Variants in TRPM2 observed in about 807,000 individuals in gnomAD.
The protein encoded by TRPM2 is transient receptor potential cation channel subfamily M member 2.
A neutral mutation model predicts 174.0 loss-of-function variants in TRPM2; 161 were observed. That is an observed-to-expected ratio of 0.93 (90% confidence interval 0.81 to 1.05). TRPM2 has a LOEUF of 1.05. Ranked by LOEUF, TRPM2 falls within the 50% of genes least tolerant of loss-of-function variation. The probability of loss-of-function intolerance (pLI) is 0.00; values close to 1 mark genes in which losing one functional copy is unlikely to be tolerated. For synonymous variants in TRPM2, 954 were observed against 861.3 expected (o/e 1.11, Z -1.88); for missense variants, 2,057 against 2,038.0 (o/e 1.01, Z -0.18).
rs894856020 is a variant in TRPM2 at position 44,426,263 on chromosome 21, GC to G, written c.3796-394del. Among the ~76,000 whole-genome samples, 16 of 152,128 alleles carry G rather than the reference GC, an allele frequency of 1.1e-4. No individual in the cohort carries two copies. The South Asian group carries it at 1.5e-3, about 14-fold the overall frequency. ...GGCTAATGGCCCCTGGGAGACCCCCGCCCTCCTGGTGCAGGGCTTCTCTCTG... is the reference window on the plus strand; with the variant it reads ...GGCTAATGGCCCCTGGGAGACCCCCGCCTCCTGGTGCAGGGCTTCTCTCTG... On this transcript the variant is annotated intron_variant, in intron 25 of 31. Transcript: ENST00000397928.
chr21:44,424,893 G>C lies in TRPM2; in HGVS notation c.3591G>C (p.Thr1197=), dbSNP rs778888345. 6.2e-7 allele frequency: 1 copy of C among 1,608,182 alleles called. No individual in the cohort carries two copies. Among genetic ancestry groups the C allele is most frequent in the South Asian group, 1.1e-5 (1 of 90,044 alleles). ...AAGCCCTGCACTGGATCGTGAGGAC[G>C]CTGCGGGCCAGCGGCTTCAGCTCGG... The part of the protein sequence containing the change: ...TAQALHWIVR[T]LRASGFSSEA... Residue 1197 remains threonine, a synonymous_variant, in exon 24 of 32, where the codon ACG becomes ACC. Transcript: ENST00000397928.
chr21:44,418,706 C>T (rs1033234463), intron 22 of TRPM2, 151 bp downstream of exon 22: 20 of 1,043,410 alleles, frequency 1.9e-5, no homozygotes, highest in African/African-American at 3.2e-5. Flanking sequence ...TGCAATGCTG[C>T]AGGCATCCGG....
intron 27 of TRPM2, 25 bp downstream of exon 27, chr21:44,427,136 G>T: frequency 6.5e-7 from 1 of 1,540,016 alleles, no homozygotes. Flanking sequence ...TGCGGGCCCC[G>T]CCCCGTCAGC....
At chr21:44,406,841 G>A in intron 19 of TRPM2, 76 bp downstream of exon 19, 14 of 1,521,628 alleles carry the variant, frequency 9.2e-6, no homozygotes, top group Non-Finnish European at 1.2e-5. Flanking sequence ...GGCCGCATGA[G>A]TGGGAGTGAG....
chr21:44,356,243 C>G (rs1276355863), intron 2 of TRPM2, among the ~76,000 whole-genome samples: 1 of 150,078 alleles, frequency 6.7e-6, no homozygotes, highest in East Asian at 2.0e-4. Context: ...GCTGAATCTG[C>G]AGATGCAAAA....
In TRPM2 at chr21:44,441,714, G is replaced by A; in HGVS notation, c.4409G>A (p.Gly1470Glu). 6.2e-7 allele frequency: 1 copy of A among 1,611,706 alleles called. No homozygotes were observed. Among genetic ancestry groups the A allele is most frequent in the Non-Finnish European group, 8.5e-7 (1 of 1,179,058 alleles). The change falls in exon 32 of 32, where the codon GGG becomes GAG. Residue 1470 changes from glycine to glutamate, a missense_variant. Gly to Glu is a moderately conservative substitution (Grantham distance 98). Transcript: ENST00000397928. ...LNSNLHACDS[G>E]ASIRWQVVDR... ...CAGAACCTGCACGCCTGCGACTCGGGGGCCTCCATCCGATGGCAGGTGGTG... is the reference window on the plus strand; with the variant it reads ...CAGAACCTGCACGCCTGCGACTCGGAGGCCTCCATCCGATGGCAGGTGGTG...
intron 22 of TRPM2, chr21:44,422,359 C>T (rs750000455): frequency 6.4e-5 from 98 of 1,535,970 alleles, no homozygotes; most frequent in South Asian, 2.4e-5. Context: ...TCACGCGGGT[C>T]CGAGAAGGCT....
In TRPM2 at chr21:44,376,631, C is replaced by T. The variant is rs2048705897; in HGVS notation, c.952+618C>T. ...ATAGTCAAAACTTAGGATTTGATAC[C>T]TTTTTCCTCATAGGTGGGATGGGAT... On this transcript the variant is annotated intron_variant, in intron 6 of 31. Transcript: ENST00000397928. This position sits in a 1 kb window ranked among gnomAD's most constrained non-coding sequence, Gnocchi z 4.2. Among the ~76,000 whole-genome samples the T allele has an allele frequency of 6.6e-6, 1 of 152,168 alleles. No homozygotes were observed. Among genetic ancestry groups the T allele is most frequent in the Non-Finnish European group, 1.5e-5 (1 of 68,032 alleles).
In TRPM2 at chr21:44,426,919, G is replaced by A. The variant is rs1036503051; in HGVS notation, c.3873-91G>A. The stretch of plus-strand genomic sequence containing the variant: ...ACACCCAGCCTGCAGCTACTCGGCT[G>A]GGCCCTTGGTGGGGGGGTGATCCCT... On this transcript the variant is annotated intron_variant, in intron 26 of 31. Transcript: ENST00000397928. 4 of 1,411,332 alleles carry A rather than the reference G, an allele frequency of 2.8e-6. No individual in the cohort carries two copies. The African/African-American group carries it at 4.3e-5, about 15-fold the overall frequency. The allele number at this position is 1,411,332 out of a possible 1,614,324, so 87.4% of individuals were successfully genotyped here.
intron 19 of TRPM2, among the ~76,000 whole-genome samples, chr21:44,407,274 C>T (rs1785455): frequency 0.31 from 43,473 of 141,718 alleles, 7,947 homozygotes; most frequent in Non-Finnish European, 0.4. Flanking sequence ...TGCATGTGCA[C>T]GCCAACACAC....
At position 44,387,701 on chromosome 21, in the gene TRPM2, TA is replaced by T. The variant is rs906374070; in HGVS notation, c.1319-3193del. Among the ~76,000 whole-genome samples, 223 of 145,796 alleles carry T rather than the reference TA, an allele frequency of 1.5e-3. 2 individuals are homozygous for T. The highest frequency in any genetic ancestry group is 2.8e-3 in the African/African-American group (112 of 39,764). Reference sequence around the variant, plus strand: ...ATAGAGAACTCCTATAACTCAACAATAAAAAAAAAACACAATTCAAAAATGG... The same window carrying T: ...ATAGAGAACTCCTATAACTCAACAATAAAAAAAAACACAATTCAAAAATGG... On this transcript the variant is annotated intron_variant, in intron 9 of 31. Coordinates refer to ENST00000397928, the MANE Select transcript of TRPM2 (RefSeq NM_003307.4).
chr21:44,414,159 C>G (rs985936875), intron 20 of TRPM2, 85 bp downstream of exon 20: 3 of 1,509,776 alleles, frequency 2.0e-6, no homozygotes, highest in African/African-American at 1.4e-5. Context: ...TCCAGGGTCT[C>G]GTGGACAGTG....
rs147981149 is a variant in TRPM2 at position 44,441,793 on chromosome 21, C to T, written c.4488C>T (p.Ala1496=). Residue 1496 remains alanine, a synonymous_variant, in exon 32 of 32, where the codon GCC becomes GCT. Coordinates refer to ENST00000397928, the MANE Select transcript of TRPM2 (RefSeq NM_003307.4). The stretch of plus-strand genomic sequence containing the variant: ...ACAAGACCCTCCTCCAGAAGGCAGC[C>T]GCTGAGTTCGGGGCTCACTACTGAC... ...ANHKTLLQKA[A]AEFGAHY is the part of the protein sequence containing the mutation. 166 of 1,610,094 alleles carry T rather than the reference C, an allele frequency of 1.0e-4. No homozygotes were observed. In the East Asian group the frequency reaches 2.6e-3, roughly 25 times the overall value.
rs138467550 is a variant in TRPM2 at position 44,439,503 on chromosome 21, C to T, written c.4269+335C>T. 8.1e-3 allele frequency among the ~76,000 whole-genome samples: 1,236 copies of T among 152,226 alleles called. 16 individuals are homozygous for T. Among genetic ancestry groups the T allele is most frequent in the Non-Finnish European group, 9.7e-3 (661 of 68,014 alleles). On this transcript the variant is annotated intron_variant, in intron 30 of 31. Coordinates refer to ENST00000397928, the MANE Select transcript of TRPM2 (RefSeq NM_003307.4). The surrounding 1 kb of genome is among the most constrained non-coding windows in gnomAD (Gnocchi z 5.1). ...GTGCCGCCCTCCTCCCCACATCCAC[C>T]CTTGCCTCGAGCACAGCTGCGCCCA...
At chr21:44,384,404 C>T (rs147051711) in intron 9 of TRPM2, among the ~76,000 whole-genome samples, 154 of 152,190 alleles carry the variant, frequency 1.0e-3, no homozygotes, top group Non-Finnish European at 1.9e-3. Context: ...GGGCCTGCCT[C>T]ATGTCATTCC....
In TRPM2 at chr21:44,438,573, G is replaced by A. The variant is rs1330439577; in HGVS notation, c.4168-494G>A. Among the ~76,000 whole-genome samples the A allele has an allele frequency of 6.6e-6, 1 of 152,182 alleles. No homozygotes were observed. On this transcript the variant is annotated intron_variant, in intron 29 of 31. Transcript: ENST00000397928. This position sits in a 1 kb window ranked among gnomAD's most constrained non-coding sequence, Gnocchi z 5.9. ...AAGATGGGTGTGGGGAGGAGGAGGT[G>A]CAGGCCGGAGCTGGGTCCCTGAGTC... is the stretch of plus-strand genomic sequence containing the variant.
At chr21:44,408,347 C>T (rs563786605) in intron 19 of TRPM2, among the ~76,000 whole-genome samples, 35 of 152,144 alleles carry the variant, frequency 2.3e-4, no homozygotes, top group Non-Finnish European at 2.8e-4. Flanking sequence ...TAGGAATGCA[C>T]GGCTGGCTCA....
chr21:44,356,683 T>C (rs1437399741), intron 2 of TRPM2, among the ~76,000 whole-genome samples: 1 of 152,100 alleles, frequency 6.6e-6, no homozygotes, highest in Non-Finnish European at 1.5e-5. Context: ...CCTCAGGTGA[T>C]CCACCAGCCT....
At chr21:44,397,376 A>T (rs1403240355) in intron 12 of TRPM2, among the ~76,000 whole-genome samples, 1 of 152,162 alleles carries the variant, frequency 6.6e-6, no homozygotes, top group Non-Finnish European at 1.5e-5. Context: ...TGCTAAAAAA[A>T]ACTGGTTCTG....
Sources: allele counts gnomAD v4.1 joint callset (sites outside exome capture counted in the v4.1 genomes callset), GRCh38; gene constraint gnomAD v4.1.1; non-coding constraint Gnocchi (gnomAD v3.1); transcripts MANE v1.5; gene names NCBI Gene and HGNC (gene_info 2026-07-23, HGNC 2026-07-21).